Variants in DGKB observed in about 807,000 individuals in gnomAD.
The protein encoded by DGKB is 90 kDa diacylglycerol kinase.
In DGKB, 67 loss-of-function variants were observed where a neutral mutation model predicts 114.3. The observed-to-expected ratio is 0.59, with a 90% confidence interval of 0.48 to 0.72. DGKB has a LOEUF of 0.72. Among genes scored for constraint, DGKB ranks in the 30% least tolerant of loss-of-function variants. The pLI is 0.00. For missense variants in DGKB, 907 were observed against 975.2 expected (o/e 0.93, Z 0.93); for synonymous variants, 398 against 323.1 (o/e 1.23, Z -2.49).
chr7:14,226,716 A>G (rs61216543), intron 23 of DGKB, among the ~76,000 whole-genome samples: 2,132 of 152,182 alleles, frequency 0.014, 60 homozygotes, highest in African/African-American at 0.049. Context: ...GATAATTATC[A>G]AATATTTATC....
chr7:14,854,495 T>C (rs1443596214), intron 1 of DGKB, among the ~76,000 whole-genome samples: 3 of 152,148 alleles, frequency 2.0e-5, no homozygotes, highest in African/African-American at 7.2e-5. Context: ...ATGAAACTGT[T>C]CCACCTCAGA....
intron 7 of DGKB, among the ~76,000 whole-genome samples, chr7:14,698,926 T>C (rs932720220): frequency 6.6e-6 from 1 of 152,112 alleles, no homozygotes; most frequent in East Asian, 1.9e-4. Context: ...AAGTGGTGTT[T>C]TACCGTATGA....
At chr7:14,280,607 A>G (rs1799789844) in intron 23 of DGKB, among the ~76,000 whole-genome samples, 1 of 151,278 alleles carries the variant, frequency 6.6e-6, no homozygotes, top group Non-Finnish European at 1.5e-5. Flanking sequence ...GGGCAGCCAG[A>G]GAGAAAGGTC....
chr7:14,702,860 T>C (rs73272156), intron 6 of DGKB, among the ~76,000 whole-genome samples: 132 of 152,320 alleles, frequency 8.7e-4, no homozygotes, highest in African/African-American at 3.0e-3. Flanking sequence ...TTAGTCTATA[T>C]ATTGCTAAAA....
At chr7:14,650,397 C>T (rs1285283557) in intron 13 of DGKB, among the ~76,000 whole-genome samples, 2 of 36,686 alleles carry the variant, frequency 5.5e-5, no homozygotes, top group Non-Finnish European at 1.1e-4. Context: ...TGAATGACTA[C>T]TGGGTACATA....
chr7:14,226,235 A>G (rs960819871), intron 23 of DGKB, among the ~76,000 whole-genome samples: 1 of 151,986 alleles, frequency 6.6e-6, no homozygotes, highest in Non-Finnish European at 1.5e-5. Flanking sequence ...ATGCTATTAC[A>G]AACATATAAT....
chr7:14,867,701 A>G (rs1851884987), intron 1 of DGKB, among the ~76,000 whole-genome samples: 2 of 152,186 alleles, frequency 1.3e-5, no homozygotes, highest in Admixed American at 6.5e-5. Context: ...TTTCATTTTA[A>G]TATATCGTAA....
Position 14,839,614 on chromosome 7 carries a change from C to A in DGKB, c.70+1580G>T, listed in dbSNP as rs1353764241. 4.0e-5 allele frequency among the ~76,000 whole-genome samples: 6 copies of A among 151,558 alleles called. No homozygotes were observed. In the East Asian group the frequency reaches 1.2e-3, roughly 30 times the overall value. ...ACAGGGTCTCACTGTTTTGCCCAGT[C>A]TAGTCATGAACTGCTGGGCTCAAGC... On this transcript the variant is annotated intron_variant, in intron 2 of 25. Coordinates refer to ENST00000402815, the MANE Select transcript of DGKB (RefSeq NM_001350709.2).
At chr7:14,278,879 C>T (rs991447208) in intron 23 of DGKB, among the ~76,000 whole-genome samples, 7 of 152,156 alleles carry the variant, frequency 4.6e-5, no homozygotes, top group African/African-American at 1.4e-4. Flanking sequence ...AAGGAGGAGC[C>T]AAGACGGCCG....
At chr7:14,436,995 T>G (rs1322707651) in intron 21 of DGKB, among the ~76,000 whole-genome samples, 2 of 152,106 alleles carry the variant, frequency 1.3e-5, no homozygotes, top group African/African-American at 4.8e-5. Flanking sequence ...TTAATGAACA[T>G]AACTCCATTG....
At chr7:14,615,356 C>G (rs1806318102) in intron 15 of DGKB, among the ~76,000 whole-genome samples, 1 of 151,766 alleles carries the variant, frequency 6.6e-6, no homozygotes, top group African/African-American at 2.4e-5. Flanking sequence ...TATTTTCAAA[C>G]TATGTTTTGA....
In DGKB at chr7:14,352,878, G is replaced by A. The variant is rs187979610; in HGVS notation, c.1836-7487C>T. ...GCGGAGGCTGCAGTGAGCTGAGATC[G>A]TGCCATTGCACTTCAGCCTGGGCAA... On this transcript the variant is annotated intron_variant, in intron 21 of 25. Coordinates refer to ENST00000402815, the MANE Select transcript of DGKB (RefSeq NM_001350709.2). Among the ~76,000 whole-genome samples, 815 of 152,144 alleles carry A rather than the reference G, an allele frequency of 5.4e-3. 6 individuals carry two copies. The highest frequency in any genetic ancestry group is 8.5e-3 in the Non-Finnish European group (580 of 68,006).
chr7:14,345,401 A>G lies in DGKB; in HGVS notation c.1836-10T>C. On this transcript the variant is annotated splice_polypyrimidine_tract_variant and intron_variant, in intron 21 of 25. Coordinates refer to ENST00000402815, the MANE Select transcript of DGKB (RefSeq NM_001350709.2). ...AAATTTGTTCTTCATTCTGAAAAAG[A>G]AAAGGAAGAAGCACCTTAGGCAATT... 6.9e-7 allele frequency: 1 copy of G among 1,455,428 alleles called. No individual in the cohort carries two copies. Among genetic ancestry groups the G allele is most frequent in the Non-Finnish European group, 9.4e-7 (1 of 1,067,152 alleles). The allele number at this position is 1,455,428 out of a possible 1,614,324, so 90.2% of individuals were successfully genotyped here.
At chr7:14,440,860 G>A (rs1463602260) in intron 21 of DGKB, among the ~76,000 whole-genome samples, 1 of 152,024 alleles carries the variant, frequency 6.6e-6, no homozygotes, top group Non-Finnish European at 1.5e-5. Context: ...ATTTGCTTTT[G>A]CTACCTGATT....
chr7:14,697,883 G>C (rs1359494394), intron 8 of DGKB, among the ~76,000 whole-genome samples: 1 of 142,682 alleles, frequency 7.0e-6, no homozygotes, highest in African/African-American at 2.7e-5. Flanking sequence ...GAGGGAGGGA[G>C]GGGAGAAAGA....
intron 23 of DGKB, among the ~76,000 whole-genome samples, chr7:14,306,403 T>G (rs1358415324): frequency 1.3e-5 from 2 of 152,122 alleles, no homozygotes; most frequent in Non-Finnish European, 2.9e-5. Flanking sequence ...GCTAATTGAT[T>G]TCACAAGAGC....
intron 1 of DGKB, among the ~76,000 whole-genome samples, chr7:14,856,296 C>G (rs966437782): frequency 1.3e-5 from 2 of 152,118 alleles, no homozygotes; most frequent in Middle Eastern, 3.4e-3. Context: ...CCTGAACTAT[C>G]CTTTGAAATA....
chr7:14,825,038 A>T (rs1275751439), intron 2 of DGKB, among the ~76,000 whole-genome samples: 1 of 142,970 alleles, frequency 7.0e-6, no homozygotes, highest in Non-Finnish European at 1.5e-5. Flanking sequence ...ATATATATAT[A>T]TATATATATA....
intron 2 of DGKB, among the ~76,000 whole-genome samples, chr7:14,825,965 C>T (rs921046874): frequency 6.6e-6 from 1 of 152,292 alleles, no homozygotes; most frequent in South Asian, 2.1e-4. Context: ...TTGTCAATTG[C>T]ATTAACTCTC....
Sources: allele counts gnomAD v4.1 joint callset (sites outside exome capture counted in the v4.1 genomes callset), GRCh38; gene constraint gnomAD v4.1.1; transcripts MANE v1.5; gene names NCBI Gene and HGNC (gene_info 2026-07-23, HGNC 2026-07-21).